The following RNF213 variants were observed in gnomAD, a reference collection of about 807,000 sequenced individuals.
RNF213 encodes the protein ring finger protein 213.
In RNF213, 341 loss-of-function variants were observed where a neutral mutation model predicts 514.4. That is an observed-to-expected ratio of 0.66 (90% CI 0.61 to 0.73). The LOEUF (loss-of-function observed/expected upper bound fraction) is 0.73, where lower values mean the gene tolerates loss of function less well. RNF213 is among the 30% of genes least tolerant of loss of function. The pLI is 0.00. For synonymous variants in RNF213, 2,655 were observed against 2,658.2 expected, an observed-to-expected ratio of 1.00 and a Z score of 0.04; for missense variants, 5,767 against 6,615.6, an observed-to-expected ratio of 0.87 and a Z score of 4.45.
chr17:80,369,065 T>A (rs919938744), intron 44 of RNF213, among the ~76,000 whole-genome samples: 2 of 152,152 alleles, frequency 1.3e-5, no homozygotes, highest in African/African-American at 4.8e-5. Flanking sequence ...GAAGACTAGC[T>A]CTAACGGGTG....
Position 80,376,954 on chromosome 17 carries a change from C to CA in RNF213, c.13502dup (p.His4501GlnfsTer27), listed in dbSNP as rs748409416. 6.8e-6 allele frequency: 11 copies of CA among 1,613,170 alleles called. No individual in the cohort carries two copies. The Admixed American group carries it at 1.0e-4, about 15-fold the overall frequency. On this transcript the variant is annotated frameshift_variant, in exon 53 of 68. Coordinates refer to ENST00000582970, the MANE Select transcript of RNF213 (RefSeq NM_001256071.3). LOFTEE classifies it high-confidence loss of function. ...GAGGTGGAAGGGTCTGGAGCGAGTC[C>CA]ACTGGTACAGTAAGTGTTGGGGTCT...
At chr17:80,380,064 C>T (rs1322611883) in intron 55 of RNF213, among the ~76,000 whole-genome samples, 3 of 152,320 alleles carry the variant, frequency 2.0e-5, no homozygotes, top group African/African-American at 7.2e-5. Flanking sequence ...AGGACCAAAA[C>T]CTGGGCATCC....
chr17:80,295,834 A>G (rs2044921593), intron 10 of RNF213, 21 bp downstream of exon 10: 1 of 1,613,502 alleles, frequency 6.2e-7, no homozygotes, highest in African/African-American at 1.3e-5. Context: ...TTTTTGTCAA[A>G]ATGTTTTTTA....
intron 14 of RNF213, 120 bp from the exon 15 acceptor site, chr17:80,312,892 A>C: frequency 1.8e-6 from 2 of 1,116,978 alleles, no homozygotes; most frequent in Admixed American, 3.7e-5. Flanking sequence ...TGGTCCCTCC[A>C]TCGTAGCCAC....
intron 22 of RNF213, 56 bp from the exon 23 acceptor site, chr17:80,336,105 A>T: frequency 7.2e-7 from 1 of 1,383,420 alleles, no homozygotes; most frequent in Non-Finnish European, 9.9e-7. Context: ...CCCAAGACCG[A>T]GTCTTGTGCT....
intron 5 of RNF213, 77 bp from the exon 6 acceptor site, chr17:80,289,582 C>T: frequency 2.0e-6 from 3 of 1,488,368 alleles, no homozygotes; most frequent in Non-Finnish European, 2.8e-6. Context: ...AAGAGCGAGA[C>T]TCTGTCTCAG....
chr17:80,385,446 G>A, intron 60 of RNF213, 92 bp from the exon 61 acceptor site: 1 of 1,156,908 alleles, frequency 8.6e-7, no homozygotes. Context: ...AAGCAGGAAA[G>A]ATGGGCTCTC....
intron 67 of RNF213, among the ~76,000 whole-genome samples, chr17:80,391,760 CTTTTTTTTTTTT>C (rs779136667): frequency 3.4e-5 from 3 of 88,620 alleles, no homozygotes; most frequent in East Asian, 7.3e-4. Flanking sequence ...ATAAACTAGC[CTTTTTTTTTTTT>C]TTTTTTTTTT....
At chr17:80,280,458 T>C (rs2145207930) in intron 3 of RNF213, among the ~76,000 whole-genome samples, 1 of 152,228 alleles carries the variant, frequency 6.6e-6, no homozygotes, top group South Asian at 2.1e-4. Flanking sequence ...GTGGGTTTTG[T>C]TTTTGTTTGT....
intron 57 of RNF213, 39 bp from the exon 58 acceptor site, chr17:80,382,940 G>A (rs1435659241): frequency 7.8e-7 from 1 of 1,289,356 alleles, no homozygotes; most frequent in African/African-American, 1.5e-5. Flanking sequence ...TGTGTTCTTT[G>A]TGCCTTGGGT....
rs77490736 is a variant in RNF213 at position 80,266,291 on chromosome 17, G to A, written c.97+2513G>A. ...GCCCCATCTCTACAAAAAAAAAAAA[G>A]AAAAAAAAATACAAGAATTAGCTGG... On this transcript the variant is annotated intron_variant, in intron 2 of 67. Coordinates refer to ENST00000582970, the MANE Select transcript of RNF213 (RefSeq NM_001256071.3). Among the ~76,000 whole-genome samples, 375 of 136,430 alleles carry A rather than the reference G, an allele frequency of 2.7e-3. 9 individuals carry two copies. The highest frequency in any genetic ancestry group is 0.011 in the African/African-American group (335 of 29,654). The allele number at this position is 136,430 out of a possible 152,430, so 89.5% of individuals were successfully genotyped here. A position where few individuals can be genotyped will look rare whatever the true frequency, so the allele number is the denominator to read the frequency against.
In RNF213 at chr17:80,369,865, C is replaced by T. The variant is rs376392189; in HGVS notation, c.12423C>T (p.Tyr4141=). ...TGATACTGAAACTGCTTTTGAAGTA[C>T]AGGTAAGAACAACATGGAGACTTGC... ...RSVILKLLLK[Y]SFHDVKDYIQ... The change falls in exon 46 of 68, where the codon TAC becomes TAT. Residue 4141 remains tyrosine (Y), a splice_region_variant and synonymous_variant. Transcript: ENST00000582970. 1.9e-6 allele frequency: 3 copies of T among 1,594,544 alleles called. No individual in the cohort carries two copies. The highest frequency in any genetic ancestry group is 1.7e-5 in the Admixed American group (1 of 60,008).
rs999066472 is a variant in RNF213, at chr17:80,394,450, G to T, written c.*952G>T. ...GCACATACAAAACCAGTTATGTTTC[G>T]GAAAGAGGGAAAAGAGTCCCCGAGC... On this transcript the variant is annotated 3_prime_UTR_variant, in exon 68 of 68. Coordinates refer to ENST00000582970, the MANE Select transcript of RNF213 (RefSeq NM_001256071.3). The T allele has an allele frequency of 6.6e-6, 1 of 152,098 alleles. No homozygotes were observed. The highest frequency in any genetic ancestry group is 2.4e-5 in the African/African-American group (1 of 41,388). 9.4% of individuals were successfully genotyped at this position (152,098 alleles called of 1,614,324 possible). A position where few individuals can be genotyped will look rare whatever the true frequency, so the allele number is the denominator to read the frequency against.
chr17:80,327,478 CAAAA>C (rs941105944), intron 18 of RNF213, among the ~76,000 whole-genome samples: 2 of 73,380 alleles, frequency 2.7e-5, no homozygotes, highest in African/African-American at 4.6e-5. Context: ...GAGACCCTGT[CAAAA>C]AAAAAAAAAA....
chr17:80,339,887 G>A lies in RNF213; in HGVS notation c.5520G>A (p.Val1840=). 1 of 1,536,988 alleles carries A rather than the reference G, an allele frequency of 6.5e-7. No homozygotes were observed. Among genetic ancestry groups the A allele is most frequent in the South Asian group, 1.2e-5 (1 of 84,052 alleles). Residue 1840 remains valine, a synonymous_variant, in exon 26 of 68, where the codon GTG becomes GTA. Transcript: ENST00000582970. ...PNLVVCGHSE[V]LPAALAVYMQ... is the part of the protein sequence containing the mutation. Reference sequence around the variant, plus strand: ...TCGTCGTCTGTGGCCACTCCGAGGTGTTGCCAGCCGCCCTGGCTGTCTACA... The same window carrying A: ...TCGTCGTCTGTGGCCACTCCGAGGTATTGCCAGCCGCCCTGGCTGTCTACA...
intron 55 of RNF213, 67 bp from the exon 56 acceptor site, chr17:80,380,764 T>G: frequency 6.5e-5 from 103 of 1,573,422 alleles, no homozygotes; most frequent in Non-Finnish European, 8.2e-5. Context: ...CTCCAAGTGC[T>G]GAGAAAGTGC....
chr17:80,359,135 C>T lies in RNF213; in HGVS notation c.11054+656C>T, dbSNP rs532695771. 2.3e-4 allele frequency among the ~76,000 whole-genome samples: 35 copies of T among 152,234 alleles called. No homozygotes were observed. The South Asian group carries it at 5.0e-3, about 22-fold the overall frequency. On this transcript the variant is annotated intron_variant, in intron 37 of 67. Transcript: ENST00000582970. ...GAGCGGCACAGCCCCCACCCCCTTC[C>T]GCAGGCCTGATGATGTGCGGCTCAG...
intron 25 of RNF213, among the ~76,000 whole-genome samples, chr17:80,338,391 G>C (rs1445400975): frequency 6.6e-6 from 1 of 152,174 alleles, no homozygotes; most frequent in African/African-American, 2.4e-5. Context: ...GGACAAAACA[G>C]AAGTAATCAT....
rs541954747 is a variant in RNF213 at position 80,295,685 on chromosome 17, T to C, written c.1884T>C (p.Phe628=). 1 of 1,614,152 alleles carries C rather than the reference T, an allele frequency of 6.2e-7. No homozygotes were observed. Among genetic ancestry groups the C allele is most frequent in the Admixed American group, 1.7e-5 (1 of 60,020 alleles). ...TGAAAACAGGCCTGATTGTCCTTTT[T>C]GTAGTGGAAAAAATTGAGCTTTTAT... The part of the protein sequence containing the change: ...SKLKTGLIVL[F]VVEKIELLLE... The change falls in exon 10 of 68, where the codon TTT becomes TTC. Residue 628 remains phenylalanine (F), a synonymous_variant. Transcript: ENST00000582970.
Sources: allele counts gnomAD v4.1 joint callset (sites outside exome capture counted in the v4.1 genomes callset), GRCh38; gene constraint gnomAD v4.1.1; transcripts MANE v1.5; gene names NCBI Gene and HGNC (gene_info 2026-07-23, HGNC 2026-07-21).